Variants in ITFG2 observed in about 807,000 individuals in gnomAD.
ITFG2 encodes the protein integrin alpha FG-GAP repeat containing 2.
In ITFG2, 36 loss-of-function variants were observed where a neutral mutation model predicts 54.4. The observed-to-expected ratio is 0.66, with a 90% CI of 0.51 to 0.87. The LOEUF is 0.87. Among genes scored for constraint, ITFG2 ranks in the 40% least tolerant of loss-of-function variants. The pLI is 0.00. For missense variants in ITFG2, 524 were observed against 576.7 expected, an observed-to-expected ratio of 0.91 and a Z score of 0.94; for synonymous variants, 211 against 225.4, an observed-to-expected ratio of 0.94 and a Z score of 0.57.
At chr12:2,854,867 G>A (rs1156621677) in intron 2 of ITFG2, 1 of 1,512,748 alleles carries the variant, frequency 6.6e-7, no homozygotes, top group East Asian at 2.5e-5. Context: ...GGCAGGCTGG[G>A]TGGGCTCCCT....
chr12:2,848,566 G>C (rs2098059583), intron 2 of ITFG2, among the ~76,000 whole-genome samples: 1 of 152,064 alleles, frequency 6.6e-6, no homozygotes, highest in Non-Finnish European at 1.5e-5. Flanking sequence ...TTCTACTCTT[G>C]TTCCTCTGCT....
chr12:2,858,685 C>A, intron 3 of ITFG2: 1 of 1,614,148 alleles, frequency 6.2e-7, no homozygotes, highest in South Asian at 1.1e-5. Context: ...TTGTCAGGGC[C>A]CAGTGGGTCC....
chr12:2,827,396 A>G, downstream of ITFG2: 1 of 1,526,534 alleles, frequency 6.6e-7, no homozygotes, highest in Non-Finnish European at 8.7e-7. The surrounding 1 kb of genome is among the most constrained non-coding windows in gnomAD (Gnocchi z 4.0). Context: ...CACAGCTTCC[A>G]CCTGCCTTTT....
rs1172835339 is a variant in ITFG2, at chr12:2,822,857, A to G, written c.1012A>G (p.Asn338Asp). The change falls in exon 10 of 12, where the codon AAC becomes GAC. Residue 338 changes from asparagine to aspartate, a missense_variant. Coordinates refer to ENST00000228799, the MANE Select transcript of ITFG2 (RefSeq NM_018463.4). ...WDGQTYIIDH[N>D]RTVVRFQVDE... Reference sequence around the variant, plus strand: ...TGGACAGACATATATCATTGATCACAACCGCACCGTCGTCCGCTTCCAAGT... The same window carrying G: ...TGGACAGACATATATCATTGATCACGACCGCACCGTCGTCCGCTTCCAAGT... 1.9e-6 allele frequency: 3 copies of G among 1,614,158 alleles called. No homozygotes were observed. The highest frequency in any genetic ancestry group is 2.5e-6 in the Non-Finnish European group (3 of 1,180,040).
chr12:2,821,672 G>A lies in ITFG2; in HGVS notation c.848-20G>A. 1.9e-6 allele frequency: 3 copies of A among 1,613,458 alleles called. No homozygotes were observed. The highest frequency in any genetic ancestry group is 8.5e-7 in the Non-Finnish European group (1 of 1,179,440). On this transcript the variant is annotated intron_variant, in intron 8 of 11. Transcript: ENST00000228799. ...TCGGGGCCTATCCCACCCACACTCAGCCTGCCTCTCCCCCGGCAGGGACAC... is the reference window on the plus strand; with the variant it reads ...TCGGGGCCTATCCCACCCACACTCAACCTGCCTCTCCCCCGGCAGGGACAC...
chr12:2,815,388 G>T (rs911286212), intron 1 of ITFG2, among the ~76,000 whole-genome samples: 2 of 152,188 alleles, frequency 1.3e-5, no homozygotes, highest in Non-Finnish European at 2.9e-5. Flanking sequence ...AGATACAAAT[G>T]GTGGAGAGGC....
chr12:2,844,877 G>A (rs1238630881), intron 2 of ITFG2, among the ~76,000 whole-genome samples: 2 of 152,148 alleles, frequency 1.3e-5, no homozygotes, highest in Non-Finnish European at 2.9e-5. Flanking sequence ...GTGGTCTAAG[G>A]GAAGCCACAC....
At position 2,821,446 on chromosome 12, in the gene ITFG2, C is replaced by T. The variant is rs983923562; in HGVS notation, c.793+87C>T. On this transcript the variant is annotated intron_variant, in intron 7 of 11. Coordinates refer to ENST00000228799, the MANE Select transcript of ITFG2 (RefSeq NM_018463.4). ...GAGATCCATAGCTTTCCCCTCATTT[C>T]GAGCCCTGTCCTTCCCCTGCTGCTG... The T allele has an allele frequency of 2.2e-5, 34 of 1,552,256 alleles. No individual in the cohort carries two copies. In the East Asian group the frequency reaches 2.3e-4, roughly 10 times the overall value.
At chr12:2,816,089 G>A (rs1449918673) in intron 1 of ITFG2, among the ~76,000 whole-genome samples, 3 of 149,870 alleles carry the variant, frequency 2.0e-5, no homozygotes, top group Admixed American at 6.7e-5. Context: ...GGAGTGCAGT[G>A]GCACGATCTC....
upstream of ITFG2, chr12:2,834,748 A>G (rs146581934): frequency 1.9e-5 from 31 of 1,614,016 alleles, no homozygotes; most frequent in African/African-American, 3.7e-4. Flanking sequence ...CTGCTGGCTC[A>G]GGTGGGCTCG....
chr12:2,833,202 C>G (rs557942306), upstream of ITFG2, among the ~76,000 whole-genome samples: 5 of 151,960 alleles, frequency 3.3e-5, no homozygotes, highest in Non-Finnish European at 5.9e-5. Context: ...CCTGCCACTC[C>G]GGGATGGCAA....
At chr12:2,828,631 G>A (rs2153925801), downstream of ITFG2, among the ~76,000 whole-genome samples, 1 of 152,230 alleles carries the variant, frequency 6.6e-6, no homozygotes, top group Middle Eastern at 3.4e-3. Flanking sequence ...CCTGAGGTCG[G>A]GAGTTCAAGA....
intron 4 of ITFG2, among the ~76,000 whole-genome samples, chr12:2,818,889 G>A (rs568262607): frequency 1.3e-5 from 2 of 151,946 alleles, no homozygotes; most frequent in East Asian, 3.9e-4. Context: ...ATGGTGGCAG[G>A]CACCTGTTAT....
chr12:2,841,241 C>A (rs2098040360), intron 2 of ITFG2, among the ~76,000 whole-genome samples: 1 of 152,244 alleles, frequency 6.6e-6, no homozygotes, highest in South Asian at 2.1e-4. Flanking sequence ...GTCACCCTGG[C>A]ATAGTGCCCA....
chr12:2,855,176 G>A (rs1360599459), intron 2 of ITFG2: 14 of 1,514,914 alleles, frequency 9.2e-6, no homozygotes, highest in Non-Finnish European at 1.1e-5. Context: ...CTATCGTAGG[G>A]CCTGTCAGGC....
exon 4 of ITFG2, chr12:2,859,752 C>A (rs1033913859): frequency 6.3e-6 from 6 of 952,210 alleles, no homozygotes; most frequent in Non-Finnish European, 7.6e-6. Context: ...CTCTTTGTGT[C>A]GTTTTGAAGT....
chr12:2,816,499 T>C (rs1362565754), intron 1 of ITFG2, among the ~76,000 whole-genome samples: 2 of 151,760 alleles, frequency 1.3e-5, no homozygotes, highest in Non-Finnish European at 2.9e-5. Flanking sequence ...CCGGCTAATT[T>C]TTTGTAGTTT....
At chr12:2,820,628 G>GGGGCCCCC in intron 5 of ITFG2, 96 bp from the exon 6 acceptor site, 2 of 251,778 alleles carry the variant, frequency 7.9e-6, no homozygotes, top group Non-Finnish European at 1.6e-5. Flanking sequence ...CCCTGCCCCT[G>GGGGCCCCC]CCCCCGCCCC....
chr12:2,819,820 A>G, intron 4 of ITFG2: 1 of 302,642 alleles, frequency 3.3e-6, no homozygotes, highest in Non-Finnish European at 6.0e-6. Context: ...GTGGTGGGAG[A>G]TACGTGGGAT....
Sources: allele counts gnomAD v4.1 joint callset (sites outside exome capture counted in the v4.1 genomes callset), GRCh38; gene constraint gnomAD v4.1.1; non-coding constraint Gnocchi (gnomAD v3.1); transcripts MANE v1.5; gene names NCBI Gene and HGNC (gene_info 2026-07-23, HGNC 2026-07-21).